The following ESYT1 variants were observed in gnomAD, a reference collection of about 807,000 sequenced individuals.
ESYT1 encodes extended synaptotagmin 1.
A neutral mutation model predicts 154.2 loss-of-function variants in ESYT1; 116 were observed. The ratio of observed to expected loss-of-function variants is 0.75; its 90% CI spans 0.65 to 0.88. ESYT1 has a LOEUF of 0.88. Among genes scored for constraint, ESYT1 ranks in the 40% least tolerant of loss-of-function variants. The pLI, the probability that ESYT1 is intolerant of heterozygous loss-of-function variation, is 0.00. For missense variants in ESYT1, 1,264 were observed against 1,379.3 expected (o/e 0.92, Z 1.32); for synonymous variants, 500 against 539.9 (o/e 0.93, Z 1.02).
At chr12:56,130,263 G>A in intron 1 of ESYT1, 1 of 448,084 alleles carries the variant, frequency 2.2e-6, no homozygotes, top group Non-Finnish European at 4.1e-6. Context: ...AATTTGACTG[G>A]ACCTCCCCCT....
chr12:56,144,102 C>G lies in ESYT1; in HGVS notation c.*240C>G, dbSNP rs1870828283. On this transcript the variant is annotated 3_prime_UTR_variant, in exon 31 of 31. Coordinates refer to ENST00000394048, the MANE Select transcript of ESYT1 (RefSeq NM_015292.3). ...GGGCGGGGACCTGAGCTGGCTGTTT[C>G]CTGCTTTGCCTGCACATTGTTCTCC... The G allele has an allele frequency of 1.4e-6, 2 of 1,416,130 alleles. No individual in the cohort carries two copies. Among genetic ancestry groups the G allele is most frequent in the South Asian group, 3.1e-5 (2 of 64,720 alleles). The allele number at this position is 1,416,130 out of a possible 1,614,324, so 87.7% of individuals were successfully genotyped here.
At chr12:56,134,968 G>A (rs1417034173) in intron 15 of ESYT1, among the ~76,000 whole-genome samples, 1 of 152,072 alleles carries the variant, frequency 6.6e-6, no homozygotes, top group East Asian at 1.9e-4. Context: ...TGGCCAGTAA[G>A]CATTGTGAAA....
At chr12:56,132,071 A>G in intron 7 of ESYT1, 138 bp from the exon 8 acceptor site, 1 of 1,349,292 alleles carries the variant, frequency 7.4e-7, no homozygotes, top group Non-Finnish European at 1.0e-6. Context: ...GAATTAGGGT[A>G]GAAGAGTAGC....
intron 15 of ESYT1, among the ~76,000 whole-genome samples, chr12:56,135,384 C>A (rs1870407846): frequency 6.6e-6 from 1 of 151,032 alleles, no homozygotes; most frequent in South Asian, 2.1e-4. Context: ...GTTGGTCAGG[C>A]TGGTCTCGAA....
Position 56,142,721 on chromosome 12 carries a change from A to T in ESYT1, c.2877A>T (p.Thr959=). Residue 959 remains threonine (T), a synonymous_variant, in exon 26 of 31, where the codon ACA becomes ACT. Coordinates refer to ENST00000394048, the MANE Select transcript of ESYT1 (RefSeq NM_015292.3). This position sits in a 1 kb window ranked among gnomAD's most constrained non-coding sequence, Gnocchi z 4.1. Reference sequence around the variant, plus strand: ...CCCCAGAGCTCCGGCAGCGCCTAACACATGTTGACAGGTAAAGGGCTGGGA... The same window carrying T: ...CCCCAGAGCTCCGGCAGCGCCTAACTCATGTTGACAGGTAAAGGGCTGGGA... ...SSAPELRQRL[T]HVDSPLEAPA... is the part of the protein sequence containing the mutation. The T allele has an allele frequency of 6.2e-7, 1 of 1,613,872 alleles. No individual in the cohort carries two copies. Among genetic ancestry groups the T allele is most frequent in the Non-Finnish European group, 8.5e-7 (1 of 1,180,036 alleles).
At chr12:56,140,466 C>T (rs1457080885) in intron 24 of ESYT1, among the ~76,000 whole-genome samples, 6 of 152,256 alleles carry the variant, frequency 3.9e-5, no homozygotes, top group Admixed American at 6.5e-5. Flanking sequence ...TGGGTTCAAT[C>T]GATTCTCCTG....
In ESYT1 at chr12:56,132,790, C is replaced by A; in HGVS notation, c.1233C>A (p.Asp411Glu). ...EVFDKDPDKD[D>E]FLGRMKLDVG... is the part of the protein sequence containing the mutation. ...TCGACAAGGATCCAGATAAAGATGA[C>A]TTTCTGGGCAGGTGAGACTCTGCCT... The change falls in exon 10 of 31, where the codon GAC becomes GAA. Residue 411 changes from aspartate (D) to glutamate (E), a missense_variant. Physicochemically the swap from Asp to Glu is conservative, Grantham distance 45. Coordinates refer to ENST00000394048, the MANE Select transcript of ESYT1 (RefSeq NM_015292.3). The A allele has an allele frequency of 6.2e-7, 1 of 1,613,972 alleles. No homozygotes were observed. Among genetic ancestry groups the A allele is most frequent in the Non-Finnish European group, 8.5e-7 (1 of 1,179,926 alleles).
intron 24 of ESYT1, among the ~76,000 whole-genome samples, chr12:56,140,382 T>C (rs551181525): frequency 1.3e-5 from 2 of 152,214 alleles, no homozygotes; most frequent in Admixed American, 6.5e-5. Flanking sequence ...TATTATTTTT[T>C]TGAAACAGAG....
chr12:56,139,179 G>A (rs536111173), intron 24 of ESYT1, among the ~76,000 whole-genome samples, 166 bp downstream of exon 24: 2 of 151,630 alleles, frequency 1.3e-5, no homozygotes, highest in East Asian at 3.9e-4. Context: ...TGCTATCTTG[G>A]CTCACTGCAA....
At chr12:56,139,074 AG>A (rs1870584832) in intron 24 of ESYT1, 61 bp downstream of exon 24, 1 of 1,278,526 alleles carries the variant, frequency 7.8e-7, no homozygotes, top group East Asian at 2.3e-5. Flanking sequence ...GCAGGAAACC[AG>A]GCACAGAGCA....
At chr12:56,133,387 T>A (rs753666109) in intron 10 of ESYT1, 30 bp from the exon 11 acceptor site, 106 of 1,613,892 alleles carry the variant, frequency 6.6e-5, no homozygotes, top group Non-Finnish European at 8.7e-5. Flanking sequence ...TTTTCTTCCT[T>A]TCACTACCCT....
chr12:56,128,558 T>C lies in ESYT1; in HGVS notation c.239T>C (p.Phe80Ser). ...GGGGCAGTGGGACTCAGCGTGGGTT[T>C]CGTGCTCTTCGGCCTCGCCCTCTAC... ...LAGAVGLSVG[F>S]VLFGLALYLG... The change falls in exon 1 of 31, where the codon TTC becomes TCC. Residue 80 changes from phenylalanine (F) to serine (S), a missense_variant. Coordinates refer to ENST00000394048, the MANE Select transcript of ESYT1 (RefSeq NM_015292.3). The C allele has an allele frequency of 6.2e-7, 1 of 1,613,772 alleles. No individual in the cohort carries two copies. Among genetic ancestry groups the C allele is most frequent in the Non-Finnish European group, 8.5e-7 (1 of 1,179,866 alleles).
chr12:56,135,578 A>G (rs1242624419), intron 15 of ESYT1, among the ~76,000 whole-genome samples: 1 of 152,028 alleles, frequency 6.6e-6, no homozygotes, highest in East Asian at 1.9e-4. Context: ...TACACATATA[A>G]AATCATTCAA....
At chr12:56,139,286 T>C (rs943365776) in intron 24 of ESYT1, among the ~76,000 whole-genome samples, 18 of 151,882 alleles carry the variant, frequency 1.2e-4, no homozygotes, top group Admixed American at 2.0e-4. Context: ...TTTTTGCATT[T>C]TTTTTAGTAG....
chr12:56,139,945 TC>T (rs1870625083), intron 24 of ESYT1, among the ~76,000 whole-genome samples: 1 of 151,124 alleles, frequency 6.6e-6, no homozygotes, highest in South Asian at 2.1e-4. Context: ...CGTGGTGCAA[TC>T]AGGGCTCACT....
intron 24 of ESYT1, among the ~76,000 whole-genome samples, chr12:56,140,745 G>C (rs1287345938): frequency 6.6e-6 from 1 of 152,196 alleles, no homozygotes; most frequent in Non-Finnish European, 1.5e-5. Flanking sequence ...GAATGGACTG[G>C]AGAGGGACAA....
Position 56,136,831 on chromosome 12 carries a change from C to T in ESYT1, c.1720C>T (p.Gln574Ter). ...LLTAPELILD[Q>*]WFQLSSSGPN... is the part of the protein sequence containing the mutation. Reference sequence around the variant, plus strand: ...GACTGCCCCAGAACTCATCCTGGACCAGTGGTTCCAGCTCAGCAGCTCTGG... The same window carrying T: ...GACTGCCCCAGAACTCATCCTGGACTAGTGGTTCCAGCTCAGCAGCTCTGG... Residue 574 changes from glutamine to a stop codon, truncating the protein, a stop_gained, in exon 16 of 31, where the codon CAG becomes TAG. Coordinates refer to ENST00000394048, the MANE Select transcript of ESYT1 (RefSeq NM_015292.3). LOFTEE classifies it high-confidence loss of function. 6.2e-7 allele frequency: 1 copy of T among 1,610,340 alleles called. No homozygotes were observed. The highest frequency in any genetic ancestry group is 8.5e-7 in the Non-Finnish European group (1 of 1,177,908).
Position 56,128,284 on chromosome 12 carries a change from T to C in ESYT1, c.-36T>C. ...GCAAGACTAGGCAACCTCCAGCCAG[T>C]CCCTGGGTCGGGCGGATCCTCCCAG... On this transcript the variant is annotated 5_prime_UTR_variant, in exon 1 of 31. Transcript: ENST00000394048. 6.3e-7 allele frequency: 1 copy of C among 1,579,186 alleles called. No homozygotes were observed. The highest frequency in any genetic ancestry group is 8.6e-7 in the Non-Finnish European group (1 of 1,167,730).
rs963873082 is a variant in ESYT1, at chr12:56,138,667, A to G, written c.2434-101A>G. The G allele has an allele frequency of 8.2e-6, 11 of 1,334,582 alleles. No individual in the cohort carries two copies. In the African/African-American group the frequency reaches 1.3e-4, roughly 16 times the overall value. The allele number at this position is 1,334,582 out of a possible 1,614,324, so 82.7% of individuals were successfully genotyped here. A position where few individuals can be genotyped will look rare whatever the true frequency, so the allele number is the denominator to read the frequency against. On this transcript the variant is annotated intron_variant, in intron 22 of 30. Transcript: ENST00000394048. Reference sequence around the variant, plus strand: ...TCAAGGCCACGGGTAGTGGCTGCCAAGTAATAATGGAGACATGGCTGCTGG... The same window carrying G: ...TCAAGGCCACGGGTAGTGGCTGCCAGGTAATAATGGAGACATGGCTGCTGG...
Sources: allele counts gnomAD v4.1 joint callset (sites outside exome capture counted in the v4.1 genomes callset), GRCh38; gene constraint gnomAD v4.1.1; non-coding constraint Gnocchi (gnomAD v3.1); transcripts MANE v1.5; gene names NCBI Gene and HGNC (gene_info 2026-07-23, HGNC 2026-07-21).